CD96: variants seen among roughly 807,000 people sequenced by gnomAD.
CD96 encodes the protein CD96 molecule, also known as T-cell surface protein tactile.
A neutral mutation model predicts 71.3 loss-of-function variants in CD96; 70 were observed. The observed-to-expected ratio is 0.98, with a 90% CI of 0.81 to 1.20. The LOEUF is 1.20. CD96 is among the 50% of genes most tolerant of loss of function. The probability of loss-of-function intolerance (pLI) is 0.00; values close to 1 mark genes in which losing one functional copy is unlikely to be tolerated. For missense variants in CD96, 742 were observed against 677.5 expected (o/e 1.10, Z -1.06); for synonymous variants, 248 against 233.0 (o/e 1.06, Z -0.59).
intron 12 of CD96, among the ~76,000 whole-genome samples, chr3:111,639,360 C>G (rs1939488475): frequency 6.6e-6 from 1 of 150,560 alleles, no homozygotes; most frequent in Non-Finnish European, 1.5e-5. Context: ...TGCCGGCTTT[C>G]CCCCCTCTTT....
chr3:111,649,991 C>A lies in CD96; in HGVS notation c.*185C>A. ...CCATCTCCAAACGCCTGAAGCTTAA[C>A]CAAGAGTGAGAGGATATGTCATGTT... On this transcript the variant is annotated 3_prime_UTR_variant, in exon 14 of 14. Coordinates refer to ENST00000352690, the MANE Select transcript of CD96 (RefSeq NM_005816.5). 1 of 637,392 alleles carries A rather than the reference C, an allele frequency of 1.6e-6. No homozygotes were observed. Among genetic ancestry groups the A allele is most frequent in the South Asian group, 1.7e-5 (1 of 59,244 alleles). The allele number at this position is 637,392 out of a possible 1,614,324, so 39.5% of individuals were successfully genotyped here.
At chr3:111,578,768 T>A (rs1936335988) in intron 3 of CD96, among the ~76,000 whole-genome samples, 1 of 152,192 alleles carries the variant, frequency 6.6e-6, no homozygotes, top group Non-Finnish European at 1.5e-5. Flanking sequence ...AGATATACAG[T>A]TCATAGAAGA....
intron 2 of CD96, among the ~76,000 whole-genome samples, chr3:111,550,195 C>T (rs1011949690): frequency 7.9e-5 from 12 of 152,000 alleles, no homozygotes; most frequent in Non-Finnish European, 1.6e-4. Context: ...AATAGTTATT[C>T]GAATGTATTT....
intron 10 of CD96, among the ~76,000 whole-genome samples, chr3:111,636,195 C>T (rs998390174): frequency 6.6e-6 from 1 of 152,152 alleles, no homozygotes; most frequent in Non-Finnish European, 1.5e-5. Flanking sequence ...ACAAATTGTC[C>T]TGTAATCAAG....
intron 10 of CD96, among the ~76,000 whole-genome samples, chr3:111,629,436 G>A (rs915390040): frequency 6.6e-6 from 1 of 152,092 alleles, no homozygotes; most frequent in African/African-American, 2.4e-5. Context: ...TTACATAATG[G>A]TAAATGGTTC....
At chr3:111,577,925 G>A (rs925977324) in intron 3 of CD96, among the ~76,000 whole-genome samples, 9 of 152,042 alleles carry the variant, frequency 5.9e-5, no homozygotes, top group African/African-American at 2.2e-4. Flanking sequence ...CCTGATGACT[G>A]TACACAAGGA....
At chr3:111,583,791 C>A (rs943193390) in intron 4 of CD96, among the ~76,000 whole-genome samples, 1 of 152,196 alleles carries the variant, frequency 6.6e-6, no homozygotes, top group Non-Finnish European at 1.5e-5. Context: ...AGCAAGGGGA[C>A]CCTGGGCCCA....
chr3:111,554,957 T>G (rs1934913404), intron 2 of CD96, among the ~76,000 whole-genome samples: 1 of 152,120 alleles, frequency 6.6e-6, no homozygotes, highest in East Asian at 1.9e-4. Flanking sequence ...CCTAGATCCC[T>G]CAAATGTGTA....
chr3:111,636,987 C>G (rs1452561481), intron 10 of CD96, among the ~76,000 whole-genome samples: 1 of 152,094 alleles, frequency 6.6e-6, no homozygotes, highest in Non-Finnish European at 1.5e-5. Flanking sequence ...TAATTAAAAC[C>G]TTCCCCATTA....
chr3:111,553,933 T>C (rs771244049), intron 2 of CD96, among the ~76,000 whole-genome samples: 1 of 152,010 alleles, frequency 6.6e-6, no homozygotes, highest in Non-Finnish European at 1.5e-5. Context: ...ATTCTTACTT[T>C]CTTATATTGT....
At chr3:111,545,941 A>T (rs1019255288) in intron 2 of CD96, among the ~76,000 whole-genome samples, 1 of 152,122 alleles carries the variant, frequency 6.6e-6, no homozygotes, top group African/African-American at 2.4e-5. Context: ...GAAGACATGG[A>T]AGTATTTCCA....
intron 14 of CD96, among the ~76,000 whole-genome samples, chr3:111,662,442 T>C (rs1017951790): frequency 6.6e-6 from 1 of 152,262 alleles, no homozygotes; most frequent in Admixed American, 6.5e-5. Context: ...TTCTACCACA[T>C]GGTTGGGCTA....
At chr3:111,620,709 A>C (rs1401920423) in intron 8 of CD96, among the ~76,000 whole-genome samples, 2 of 152,184 alleles carry the variant, frequency 1.3e-5, no homozygotes, top group African/African-American at 4.8e-5. Flanking sequence ...CACACTTGGC[A>C]TGTATTCAGC....
chr3:111,542,340 A>G, intron 1 of CD96, 31 bp downstream of exon 1: 1 of 1,571,404 alleles, frequency 6.4e-7, no homozygotes. Context: ...TTCTTGTCGG[A>G]TGGGCCGCTT....
At chr3:111,665,330 C>G (rs546542253) in intron 14 of CD96, among the ~76,000 whole-genome samples, 3 of 152,234 alleles carry the variant, frequency 2.0e-5, no homozygotes, top group African/African-American at 7.2e-5. Flanking sequence ...TGACTCAAAA[C>G]TACCCTATTT....
intron 3 of CD96, chr3:111,570,850 G>T: frequency 6.2e-7 from 1 of 1,611,006 alleles, no homozygotes; most frequent in Non-Finnish European, 8.5e-7. Flanking sequence ...GCTCCAGGGT[G>T]CAAGGGTCCT....
chr3:111,567,498 T>G (rs1468524429), intron 2 of CD96, 25 bp from the exon 3 acceptor site: 1 of 1,597,448 alleles, frequency 6.3e-7, no homozygotes, highest in Admixed American at 1.7e-5. Context: ...GATTCACATA[T>G]TTTCTACCTT....
intron 2 of CD96, among the ~76,000 whole-genome samples, chr3:111,564,833 T>A (rs1935630128): frequency 1.3e-5 from 2 of 152,170 alleles, no homozygotes; most frequent in Non-Finnish European, 2.9e-5. Flanking sequence ...TAAAGCCGCC[T>A]CTTCTGTTAT....
intron 9 of CD96, 126 bp downstream of exon 9, chr3:111,623,948 C>A: frequency 1.3e-6 from 1 of 749,648 alleles, no homozygotes; most frequent in Non-Finnish European, 2.4e-6. Flanking sequence ...TTGTTAATAT[C>A]TTGGTTTTGG....
Sources: allele counts gnomAD v4.1 joint callset (sites outside exome capture counted in the v4.1 genomes callset), GRCh38; gene constraint gnomAD v4.1.1; transcripts MANE v1.5; gene names NCBI Gene and HGNC (gene_info 2026-07-23, HGNC 2026-07-21).